Variants in PDCL2 observed in about 807,000 individuals in gnomAD.
PDCL2 encodes the protein phosducin like 2.
A neutral mutation model predicts 30.3 loss-of-function variants in PDCL2; 23 were observed. The observed-to-expected ratio is 0.76, with a 90% confidence interval of 0.55 to 1.08. The LOEUF (loss-of-function observed/expected upper bound fraction) is 1.08. Among genes scored for constraint, PDCL2 ranks in the 50% least tolerant of loss-of-function variants. The probability of loss-of-function intolerance (pLI) is 0.00; values close to 1 mark genes in which losing one functional copy is unlikely to be tolerated. For missense variants in PDCL2, 243 were observed against 282.3 expected (o/e 0.86, Z 1.00); for synonymous variants, 68 against 86.2 (o/e 0.79, Z 1.17).
At chr4:55,582,057 C>G in intron 2 of PDCL2, 60 bp downstream of exon 2, 1 of 1,588,790 alleles carries the variant, frequency 6.3e-7, no homozygotes, top group Admixed American at 1.7e-5. Flanking sequence ...CATGAAATAC[C>G]TTAGTACTAA....
chr4:55,576,293 A>G (rs1162741693), intron 3 of PDCL2, among the ~76,000 whole-genome samples: 1 of 152,118 alleles, frequency 6.6e-6, no homozygotes, highest in Non-Finnish European at 1.5e-5. Context: ...GGGTTTCACC[A>G]TGTTGGCCAG....
At chr4:55,584,970 G>T (rs1240994014) in intron 1 of PDCL2, among the ~76,000 whole-genome samples, 1 of 152,166 alleles carries the variant, frequency 6.6e-6, no homozygotes, top group Non-Finnish European at 1.5e-5. Flanking sequence ...CATCTAACAA[G>T]ATGATCATAT....
chr4:55,588,774 T>G (rs1016721059), intron 1 of PDCL2, among the ~76,000 whole-genome samples: 64 of 152,304 alleles, frequency 4.2e-4, no homozygotes, highest in African/African-American at 1.4e-3. Flanking sequence ...GCACTCTTGT[T>G]AAAAATTTTT....
At position 55,580,823 on chromosome 4, in the gene PDCL2, A is replaced by G. The variant is rs530283492; in HGVS notation, c.216T>C (p.Tyr72=). Residue 72 remains tyrosine, a splice_region_variant and synonymous_variant, in exon 3 of 6, where the codon TAT becomes TAC. Coordinates refer to ENST00000295645, the MANE Select transcript of PDCL2 (RefSeq NM_152401.3). The stretch of plus-strand genomic sequence containing the variant: ...TTAACCCAAATGAATCACTGTACCT[A>G]TATGTTTCAACAGCCTGCATATCTT... ...DEEDMQAVET[Y]RKKRLQEWKA... is the part of the protein sequence containing the mutation. 3.7e-5 allele frequency: 59 copies of G among 1,601,050 alleles called. No homozygotes were observed. The highest frequency in any genetic ancestry group is 4.8e-5 in the Non-Finnish European group (56 of 1,172,668).
chr4:55,591,287 G>C (rs1490458228), intron 1 of PDCL2, among the ~76,000 whole-genome samples: 1 of 150,426 alleles, frequency 6.6e-6, no homozygotes, highest in Non-Finnish European at 1.5e-5. Context: ...CAATTTTACT[G>C]TACCAAAAAA....
Position 55,581,360 on chromosome 4 carries a change from T to C in PDCL2, c.128-449A>G, listed in dbSNP as rs116436894. Among the ~76,000 whole-genome samples, 464 of 152,198 alleles carry C rather than the reference T, an allele frequency of 3.0e-3. 2 individuals are homozygous for C. The highest frequency in any genetic ancestry group is 0.011 in the African/African-American group (446 of 41,528). On this transcript the variant is annotated intron_variant, in intron 2 of 5. Transcript: ENST00000295645. ...AGCAGCCAGCCACCAAAAAAAGCTA[T>C]AAATATTATAGAAAGTATAATATTA...
chr4:55,572,606 A>T (rs1418198091), intron 3 of PDCL2, among the ~76,000 whole-genome samples: 2 of 152,224 alleles, frequency 1.3e-5, no homozygotes, highest in Non-Finnish European at 2.9e-5. Context: ...AAACCTCAGC[A>T]TCATGCAATA....
chr4:55,584,745 C>G (rs1281372520), intron 1 of PDCL2, among the ~76,000 whole-genome samples: 1 of 152,148 alleles, frequency 6.6e-6, no homozygotes, highest in Admixed American at 6.5e-5. Context: ...CTCTTGCTTA[C>G]TTGCTCTGGC....
chr4:55,577,641 C>T lies in PDCL2; in HGVS notation c.218+3180G>A, dbSNP rs186480822. 6.4e-4 allele frequency among the ~76,000 whole-genome samples: 97 copies of T among 152,260 alleles called. 1 individual carries two copies. Among genetic ancestry groups the T allele is most frequent in the Admixed American group, 2.1e-3 (32 of 15,280 alleles). On this transcript the variant is annotated intron_variant, in intron 3 of 5. Transcript: ENST00000295645. ...GTATGTTTGTGTCAGGAACTGGGGACAAAGATCAGATATATATTTCTCATT... is the reference window on the plus strand; with the variant it reads ...GTATGTTTGTGTCAGGAACTGGGGATAAAGATCAGATATATATTTCTCATT...
intron 3 of PDCL2, among the ~76,000 whole-genome samples, chr4:55,578,863 T>A (rs562353897): frequency 7.9e-5 from 12 of 152,344 alleles, no homozygotes; most frequent in South Asian, 2.1e-4. Flanking sequence ...ATATCCTGTT[T>A]GTGTTTAAAC....
At position 55,586,974 on chromosome 4, in the gene PDCL2, C is replaced by T. The variant is rs570159890; in HGVS notation, c.7-4737G>A. ...TATTTGGAGATCTTCTTTTAAGAAACGTCTATTCAAGTTTGTCTTAGTCCA... is the reference window on the plus strand; with the variant it reads ...TATTTGGAGATCTTCTTTTAAGAAATGTCTATTCAAGTTTGTCTTAGTCCA... On this transcript the variant is annotated intron_variant, in intron 1 of 5. Transcript: ENST00000295645. Among the ~76,000 whole-genome samples, 56 of 151,744 alleles carry T rather than the reference C, an allele frequency of 3.7e-4. 1 individual carries two copies. The highest frequency in any genetic ancestry group is 1.2e-3 in the African/African-American group (51 of 41,188).
chr4:55,569,729 T>A lies in PDCL2; in HGVS notation c.351A>T (p.Leu117=). The part of the protein sequence containing the change: ...AEEDVWVIIH[L]YRSSIPMCLL... The stretch of plus-strand genomic sequence containing the variant: ...ATTATGGTAATTACCTTGATCTGTA[T>A]AGATGAATTATAACCCACACATCTT... Residue 117 remains leucine, a synonymous_variant, in exon 4 of 6, where the codon CTA becomes CTT. Coordinates refer to ENST00000295645, the MANE Select transcript of PDCL2 (RefSeq NM_152401.3). 1 of 1,549,804 alleles carries A rather than the reference T, an allele frequency of 6.5e-7. No homozygotes were observed. The highest frequency in any genetic ancestry group is 2.3e-5 in the East Asian group (1 of 42,844).
At chr4:55,557,538 C>G (rs967602892) in intron 5 of PDCL2, among the ~76,000 whole-genome samples, 3 of 152,062 alleles carry the variant, frequency 2.0e-5, no homozygotes, top group African/African-American at 7.2e-5. Flanking sequence ...ACCTCATGAC[C>G]TAATCACCTC....
intron 1 of PDCL2, among the ~76,000 whole-genome samples, chr4:55,591,429 G>A (rs935356550): frequency 7.9e-5 from 12 of 152,054 alleles, no homozygotes; most frequent in African/African-American, 2.7e-4. Flanking sequence ...TCACTCTGCC[G>A]CCAGGCTGGA....
intron 3 of PDCL2, among the ~76,000 whole-genome samples, chr4:55,577,406 A>G (rs1732599964): frequency 6.6e-6 from 1 of 152,122 alleles, no homozygotes; most frequent in African/African-American, 2.4e-5. Context: ...GGCATGATTG[A>G]CTAAATCGTT....
At chr4:55,578,827 G>A (rs1732636021) in intron 3 of PDCL2, among the ~76,000 whole-genome samples, 1 of 151,946 alleles carries the variant, frequency 6.6e-6, no homozygotes, top group Non-Finnish European at 1.5e-5. Context: ...CTAAATATTT[G>A]GGGAAGAATT....
At chr4:55,571,949 C>T (rs1437348339) in intron 3 of PDCL2, among the ~76,000 whole-genome samples, 1 of 151,844 alleles carries the variant, frequency 6.6e-6, no homozygotes, top group Non-Finnish European at 1.5e-5. Flanking sequence ...TCTAACTTCC[C>T]GCAATTTGAT....
At chr4:55,563,222 C>T (rs1035952193) in intron 4 of PDCL2, among the ~76,000 whole-genome samples, 1 of 152,184 alleles carries the variant, frequency 6.6e-6, no homozygotes, top group Non-Finnish European at 1.5e-5. Context: ...ATCGATTAGT[C>T]CCTTTTCTCC....
At chr4:55,562,912 G>GAAA (rs33953658) in intron 4 of PDCL2, among the ~76,000 whole-genome samples, 10 of 108,820 alleles carry the variant, frequency 9.2e-5, no homozygotes, top group Admixed American at 3.3e-4. Flanking sequence ...CCAGTTTGTA[G>GAAA]AAAAAAAAAA....
Sources: allele counts gnomAD v4.1 joint callset (sites outside exome capture counted in the v4.1 genomes callset), GRCh38; gene constraint gnomAD v4.1.1; transcripts MANE v1.5; gene names NCBI Gene and HGNC (gene_info 2026-07-23, HGNC 2026-07-21).